The following MALRD1 variants were observed in gnomAD, a reference collection of about 807,000 sequenced individuals.
MALRD1 encodes MAM and LDL-receptor class A domain-containing protein 1.
Under a neutral mutation model 242.1 loss-of-function variants are expected in MALRD1, and 247 were observed. That is an observed-to-expected ratio of 1.02 (90% confidence interval 0.92 to 1.13). The LOEUF is 1.13. Ranked by LOEUF, MALRD1 falls within the 50% of genes most tolerant of loss-of-function variation. MALRD1 has a pLI of 0.00. For synonymous variants in MALRD1, 995 were observed against 866.6 expected (o/e 1.15, Z -2.60); for missense variants, 2,989 against 2,533.1 (o/e 1.18, Z -3.86).
At chr10:19,077,827 A>G (rs1835363641) in intron 2 of MALRD1, among the ~76,000 whole-genome samples, 1 of 151,880 alleles carries the variant, frequency 6.6e-6, no homozygotes, top group African/African-American at 2.4e-5. Flanking sequence ...TGATTTTTAC[A>G]TTAGTTAAGT....
At chr10:19,362,498 A>C (rs1844935242) in intron 26 of MALRD1, among the ~76,000 whole-genome samples, 1 of 152,120 alleles carries the variant, frequency 6.6e-6, no homozygotes, top group Non-Finnish European at 1.5e-5. Flanking sequence ...GAAATTAGCT[A>C]AGCAGACATC....
intron 1 of MALRD1, among the ~76,000 whole-genome samples, chr10:19,059,410 T>C (rs1834757019): frequency 6.6e-6 from 1 of 152,112 alleles, no homozygotes; most frequent in Non-Finnish European, 1.5e-5. Context: ...TTTTTTGAGA[T>C]GGATTCTTGC....
Position 19,104,022 on chromosome 10 carries a change from A to G in MALRD1, c.641A>G (p.Glu214Gly). ...GQMASTYEQD[E>G]VIAIDDISFS... ...ATGGCTTCAACGTATGAACAGGATG[A>G]AGTCATTGCTATTGATGATATATCT... The change falls in exon 5 of 40, where the codon GAA becomes GGA. Residue 214 changes from glutamate to glycine, a missense_variant. Transcript: ENST00000454679. The G allele has an allele frequency of 8.1e-7, 1 of 1,233,846 alleles. No individual in the cohort carries two copies. Among genetic ancestry groups the G allele is most frequent in the Non-Finnish European group, 1.0e-6 (1 of 988,110 alleles). 76.4% of individuals were successfully genotyped at this position (1,233,846 alleles called of 1,614,324 possible).
At chr10:19,118,569 A>G (rs890964271) in intron 5 of MALRD1, among the ~76,000 whole-genome samples, 2 of 152,222 alleles carry the variant, frequency 1.3e-5, no homozygotes, top group African/African-American at 4.8e-5. Flanking sequence ...CCAAGGTTTT[A>G]TCATGTAGAT....
chr10:19,405,607 A>G (rs1260446766), intron 28 of MALRD1, among the ~76,000 whole-genome samples: 2 of 152,190 alleles, frequency 1.3e-5, no homozygotes, highest in East Asian at 3.9e-4. Flanking sequence ...CATGTTATAG[A>G]TTTCACAGAA....
intron 38 of MALRD1, among the ~76,000 whole-genome samples, chr10:19,719,235 T>TACATACACAC (rs745328536): frequency 1.7e-5 from 2 of 116,226 alleles, no homozygotes; most frequent in Non-Finnish European, 3.4e-5. Flanking sequence ...TATATATATA[T>TACATACACAC]ATATATATAT....
At chr10:19,446,711 G>GA (rs1439385536) in intron 28 of MALRD1, among the ~76,000 whole-genome samples, 6 of 152,102 alleles carry the variant, frequency 3.9e-5, no homozygotes, top group Non-Finnish European at 8.8e-5. Context: ...TCAAAATTTG[G>GA]AAAAAGGTTA....
chr10:19,352,340 G>GAA, intron 26 of MALRD1, 43 bp downstream of exon 26: 1 of 1,506,740 alleles, frequency 6.6e-7, no homozygotes, highest in African/African-American at 1.4e-5. Context: ...TTTGCATGGT[G>GAA]AAAGGTGAAA....
chr10:19,648,264 C>G (rs1840731140), intron 36 of MALRD1, among the ~76,000 whole-genome samples: 3 of 152,198 alleles, frequency 2.0e-5, no homozygotes, highest in Non-Finnish European at 4.4e-5. Context: ...TTCTTAGCAT[C>G]ACTGGTATTC....
intron 29 of MALRD1, among the ~76,000 whole-genome samples, chr10:19,471,819 CTT>C (rs1564370829): frequency 7.9e-5 from 12 of 151,622 alleles, no homozygotes; most frequent in East Asian, 1.9e-4. Flanking sequence ...ACAGGGTTTT[CTT>C]TGTGGATTCT....
chr10:19,706,587 G>A (rs142711569), intron 38 of MALRD1, among the ~76,000 whole-genome samples: 1 of 152,178 alleles, frequency 6.6e-6, no homozygotes, highest in African/African-American at 2.4e-5. Flanking sequence ...CCTGACCTCA[G>A]GTGATCTGCC....
At chr10:19,729,458 A>C (rs1659564616) in intron 38 of MALRD1, among the ~76,000 whole-genome samples, 1 of 152,078 alleles carries the variant, frequency 6.6e-6, no homozygotes, top group South Asian at 2.1e-4. Context: ...TACTCGTGTC[A>C]TTAAGCTCTT....
intron 30 of MALRD1, among the ~76,000 whole-genome samples, chr10:19,494,326 A>T (rs1837620732): frequency 6.6e-6 from 1 of 152,206 alleles, no homozygotes; most frequent in African/African-American, 2.4e-5. Context: ...TGCACACAGA[A>T]ATAAGAAAGA....
intron 1 of MALRD1, among the ~76,000 whole-genome samples, chr10:19,055,339 A>G (rs12252895): frequency 0.012 from 1,863 of 152,204 alleles, 36 homozygotes; most frequent in African/African-American, 0.042. Context: ...TTGTTTTACC[A>G]TTCTGTGGAT....
At chr10:19,234,191 A>C (rs1838201307) in intron 18 of MALRD1, among the ~76,000 whole-genome samples, 1 of 151,996 alleles carries the variant, frequency 6.6e-6, no homozygotes, top group Non-Finnish European at 1.5e-5. Context: ...AAATAAAATA[A>C]TCTATAAATT....
intron 36 of MALRD1, among the ~76,000 whole-genome samples, chr10:19,673,870 T>C (rs1842032117): frequency 6.6e-6 from 1 of 151,684 alleles, no homozygotes; most frequent in African/African-American, 2.4e-5. Flanking sequence ...ACTTTTATTA[T>C]ACTTACAAAT....
chr10:19,281,842 C>T lies in MALRD1; in HGVS notation c.3257-1177C>T, dbSNP rs183771300. 4.2e-4 allele frequency among the ~76,000 whole-genome samples: 64 copies of T among 151,442 alleles called. No homozygotes were observed. The East Asian group carries it at 4.7e-3, about 11-fold the overall frequency. On this transcript the variant is annotated intron_variant, in intron 20 of 39. Coordinates refer to ENST00000454679, the MANE Select transcript of MALRD1 (RefSeq NM_001142308.3). ...TACACAAATTAGCTGGGTGTGGTGG[C>T]GTGTGCCTGTAATCCCAGCTACTTA...
chr10:19,696,136 A>G (rs1313307627), intron 38 of MALRD1, among the ~76,000 whole-genome samples: 2 of 152,186 alleles, frequency 1.3e-5, no homozygotes, highest in Admixed American at 6.5e-5. Flanking sequence ...GAGCTGCTGC[A>G]TCTGCATGAA....
At chr10:19,219,512 C>T (rs1440502485) in intron 18 of MALRD1, among the ~76,000 whole-genome samples, 1 of 152,136 alleles carries the variant, frequency 6.6e-6, no homozygotes, top group Non-Finnish European at 1.5e-5. Flanking sequence ...TCATAGTTCA[C>T]TGCAACCTCA....
Sources: allele counts gnomAD v4.1 joint callset (sites outside exome capture counted in the v4.1 genomes callset), GRCh38; gene constraint gnomAD v4.1.1; transcripts MANE v1.5; gene names NCBI Gene and HGNC (gene_info 2026-07-23, HGNC 2026-07-21).